FGG: variants seen among roughly 807,000 people sequenced by gnomAD.
FGG encodes fibrinogen, gamma polypeptide.
A neutral mutation model predicts 51.7 loss-of-function variants in FGG; 20 were observed. That is an observed-to-expected ratio of 0.39 (90% CI 0.27 to 0.56). The LOEUF is 0.56. FGG is among the 20% of genes least tolerant of loss of function. The pLI is 0.64. For synonymous variants in FGG, 184 were observed against 184.7 expected (o/e 1.00, Z 0.03); for missense variants, 460 against 534.2 (o/e 0.86, Z 1.37).
At chr4:154,608,720 C>T in intron 6 of FGG, 70 bp from the exon 7 acceptor site, 5 of 1,436,212 alleles carry the variant, frequency 3.5e-6, no homozygotes, top group Non-Finnish European at 3.9e-6. Context: ...ATGCTGTCAA[C>T]ATTTTGTCAA....
At chr4:154,605,204 C>G (rs1731076550) in intron 8 of FGG, 138 bp from the exon 9 acceptor site, 2 of 789,156 alleles carry the variant, frequency 2.5e-6, no homozygotes, top group Non-Finnish European at 4.1e-6. Flanking sequence ...AAAATATCTC[C>G]AAAGATTCCT....
Position 154,604,636 on chromosome 4 carries a change from C to T in FGG, c.*198G>A. On this transcript the variant is annotated 3_prime_UTR_variant, in exon 9 of 9. Transcript: ENST00000336098. ...TAGGAACAAAGTTGAAATGTTATCT[C>T]CTCAAATAAACAATTTTTAAATAAC... 1 of 1,342,986 alleles carries T rather than the reference C, an allele frequency of 7.4e-7. No individual in the cohort carries two copies. The highest frequency in any genetic ancestry group is 1.5e-5 in the African/African-American group (1 of 67,716). 83.2% of individuals were successfully genotyped at this position (1,342,986 alleles called of 1,614,324 possible). A position where few individuals can be genotyped will look rare whatever the true frequency, so the allele number is the denominator to read the frequency against.
Position 154,608,514 on chromosome 4 carries a change from A to G in FGG, c.803T>C (p.Ile268Thr). 1 of 1,613,728 alleles carries G rather than the reference A, an allele frequency of 6.2e-7. No individual in the cohort carries two copies. Among genetic ancestry groups the G allele is most frequent in the Non-Finnish European group, 8.5e-7 (1 of 1,179,816 alleles). The change falls in exon 7 of 9, where the codon ATC becomes ACC. Residue 268 changes from isoleucine to threonine, a missense_variant. Ile to Thr is a moderately conservative substitution (Grantham distance 89). Around this residue, in one of 3 missense-constraint regions of FGG, gnomAD observed 353 missense variants for 391.7 expected, o/e 0.90. Coordinates refer to ENST00000336098, the MANE Select transcript of FGG (RefSeq NM_021870.3). Reference protein sequence around the residue: ...KIHLISTQSAIPYALRVELED... With the variant: ...KIHLISTQSATPYALRVELED... ...CAGTTCCACTCTTAATGCATATGGGATGGCAGACTGTGTGCTTATCAAATG... is the reference window on the plus strand; with the variant it reads ...CAGTTCCACTCTTAATGCATATGGGGTGGCAGACTGTGTGCTTATCAAATG...
At chr4:154,609,532 A>T in intron 6 of FGG, 98 bp downstream of exon 6, 2 of 1,432,498 alleles carry the variant, frequency 1.4e-6, no homozygotes, top group Non-Finnish European at 2.0e-6. Flanking sequence ...TGCAAGGATT[A>T]AATGAGCTAC....
intron 8 of FGG, among the ~76,000 whole-genome samples, 181 bp from the exon 9 acceptor site, chr4:154,605,247 AAAC>A (rs1285128088): frequency 3.3e-5 from 5 of 152,190 alleles, no homozygotes; most frequent in Admixed American, 6.5e-5. Flanking sequence ...ACATATTATT[AAAC>A]AACATCTGTG....
rs773954323 is a variant in FGG at position 154,612,534 on chromosome 4, C to T, written c.76G>A (p.Ala26Thr). ...CGTTTTGTGAAGAGCACACTTACTG[C>T]TACACATGTTGAAGAGAGAAATAAA... is the stretch of plus-strand genomic sequence containing the variant. ...ALLFLSSTCVAYVATRDNCCI... is the reference protein window; with the variant it reads ...ALLFLSSTCVTYVATRDNCCI... The change falls in exon 1 of 9, where the codon GCA becomes ACA. Residue 26 changes from alanine to threonine, a missense_variant and splice_region_variant. By Grantham distance (58) the Ala-to-Thr change is moderately conservative. Coordinates refer to ENST00000336098, the MANE Select transcript of FGG (RefSeq NM_021870.3). 2.5e-6 allele frequency: 4 copies of T among 1,613,984 alleles called. No individual in the cohort carries two copies. The South Asian group carries it at 3.3e-5, about 13-fold the overall frequency.
chr4:154,609,881 C>T, intron 5 of FGG, 118 bp from the exon 6 acceptor site: 3 of 1,547,410 alleles, frequency 1.9e-6, no homozygotes, highest in Non-Finnish European at 2.7e-6. Flanking sequence ...AATTTTCTTA[C>T]TTTTCACATC....
In FGG at chr4:154,604,439, AGGGGTAATAAACAAGGAAAATACCT is replaced by A; in HGVS notation, c.*370_*394del. On this transcript the variant is annotated 3_prime_UTR_variant, in exon 9 of 9. Coordinates refer to ENST00000336098, the MANE Select transcript of FGG (RefSeq NM_021870.3). ...AAGAAGAATTAAATAGGAATGATTTAGGGGTAATAAACAAGGAAAATACCTGGGAATTTGAAACTCTAAAATGTTC... is the reference window on the plus strand; with the variant it reads ...AAGAAGAATTAAATAGGAATGATTTAGGGAATTTGAAACTCTAAAATGTTC... The A allele has an allele frequency of 8.1e-7, 1 of 1,238,514 alleles. No homozygotes were observed. The allele number at this position is 1,238,514 out of a possible 1,614,324, so 76.7% of individuals were successfully genotyped here.
At chr4:154,608,747 T>C (rs754925248) in intron 6 of FGG, 97 bp from the exon 7 acceptor site, 27 of 1,123,714 alleles carry the variant, frequency 2.4e-5, no homozygotes, top group Non-Finnish European at 3.6e-5. Flanking sequence ...AGAGCACTGG[T>C]TCTATCAACT....
chr4:154,604,917 G>A lies in FGG; in HGVS notation c.1279C>T (p.His427Tyr). ...CTGACCTGTTTGGCTCCCCCCAGGT[G>A]GTGTTGCTGTCCTTCTCCAATTGTG... Reference protein sequence around the residue: ...RLTIGEGQQHHLGGAKQVRPE... With the variant: ...RLTIGEGQQHYLGGAKQVRPE... Residue 427 changes from histidine to tyrosine, a missense_variant, in exon 9 of 9, where the codon CAC becomes TAC. Coordinates refer to ENST00000336098, the MANE Select transcript of FGG (RefSeq NM_021870.3). 2 of 1,614,068 alleles carry A rather than the reference G, an allele frequency of 1.2e-6. No homozygotes were observed. Among genetic ancestry groups the A allele is most frequent in the Non-Finnish European group, 1.7e-6 (2 of 1,179,972 alleles).
In FGG at chr4:154,604,451, C is replaced by A; in HGVS notation, c.*383G>T. The A allele has an allele frequency of 8.5e-7, 1 of 1,172,376 alleles. No individual in the cohort carries two copies. The highest frequency in any genetic ancestry group is 1.2e-6 in the Non-Finnish European group (1 of 857,972). 72.6% of individuals were successfully genotyped at this position (1,172,376 alleles called of 1,614,324 possible). A position where few individuals can be genotyped will look rare whatever the true frequency, so the allele number is the denominator to read the frequency against. On this transcript the variant is annotated 3_prime_UTR_variant, in exon 9 of 9. Transcript: ENST00000336098. ...ATAGGAATGATTTAGGGGTAATAAA[C>A]AAGGAAAATACCTGGGAATTTGAAA...
Position 154,606,769 on chromosome 4 carries a change from C to A in FGG, c.1065G>T (p.Gln355His). The change falls in exon 8 of 9, where the codon CAG (glutamine) becomes CAT (histidine). Residue 355 changes from glutamine (Q) to histidine (H), a missense_variant. Coordinates refer to ENST00000336098, the MANE Select transcript of FGG (RefSeq NM_021870.3). ...TGTTCATCCACCAACCAGATCCATC[C>A]TGTTCAGCACAGTTGCCTTCAAACT... ...NDKFEGNCAE[Q>H]DGSGWWMNKC... is the part of the protein sequence containing the mutation. 6.2e-7 allele frequency: 1 copy of A among 1,613,976 alleles called. No homozygotes were observed. Among genetic ancestry groups the A allele is most frequent in the Non-Finnish European group, 8.5e-7 (1 of 1,179,908 alleles).
chr4:154,611,185 G>GA lies in FGG; in HGVS notation c.401+619dup, dbSNP rs1454930652. 6 of 152,144 alleles carry GA rather than the reference G, an allele frequency of 3.9e-5. No homozygotes were observed. The East Asian group carries it at 1.2e-3, about 29-fold the overall frequency. 9.4% of individuals were successfully genotyped at this position (152,144 alleles called of 1,614,324 possible). On this transcript the variant is annotated intron_variant, in intron 4 of 8. Coordinates refer to ENST00000336098, the MANE Select transcript of FGG (RefSeq NM_021870.3). ...GAAAAATTCAGAAAAAAAAATTGGG[G>GA]AAAAATATTAAAACTGTATCTGAGA...
intron 4 of FGG, among the ~76,000 whole-genome samples, chr4:154,610,639 G>A (rs1443280061): frequency 6.6e-6 from 1 of 152,164 alleles, no homozygotes; most frequent in African/African-American, 2.4e-5. Context: ...GAAAAGCTCA[G>A]TTCAGTAATT....
chr4:154,610,245 T>C, intron 4 of FGG, 48 bp from the exon 5 acceptor site: 1 of 1,418,012 alleles, frequency 7.1e-7, no homozygotes, highest in Non-Finnish European at 9.9e-7. Context: ...CAAAAATAAG[T>C]ATTCCTTTCA....
chr4:154,606,617 T>G (rs1241290728), intron 8 of FGG, 88 bp downstream of exon 8: 3 of 1,345,130 alleles, frequency 2.2e-6, no homozygotes, highest in Non-Finnish European at 3.1e-6. Flanking sequence ...TTATAAATTA[T>G]TCTTCATTTC....
intron 6 of FGG, among the ~76,000 whole-genome samples, chr4:154,609,392 C>T (rs928596808): frequency 2.0e-5 from 3 of 152,166 alleles, no homozygotes; most frequent in Non-Finnish European, 4.4e-5. Context: ...TGAAACTATA[C>T]TGCCTAGGTT....
At chr4:154,610,618 T>C (rs1578811693) in intron 4 of FGG, among the ~76,000 whole-genome samples, 1 of 152,152 alleles carries the variant, frequency 6.6e-6, no homozygotes, top group East Asian at 1.9e-4. Flanking sequence ...CCCCTGATGC[T>C]TTAGAAGCAG....
In FGG at chr4:154,604,433, T is replaced by C. The variant is rs945829492; in HGVS notation, c.*401A>G. On this transcript the variant is annotated 3_prime_UTR_variant, in exon 9 of 9. Coordinates refer to ENST00000336098, the MANE Select transcript of FGG (RefSeq NM_021870.3). Reference sequence around the variant, plus strand: ...TTTAAAAAGAAGAATTAAATAGGAATGATTTAGGGGTAATAAACAAGGAAA... The same window carrying C: ...TTTAAAAAGAAGAATTAAATAGGAACGATTTAGGGGTAATAAACAAGGAAA... 7.0e-6 allele frequency: 9 copies of C among 1,278,530 alleles called. No individual in the cohort carries two copies. The highest frequency in any genetic ancestry group is 9.6e-6 in the Non-Finnish European group (9 of 940,464). The allele number at this position is 1,278,530 out of a possible 1,614,324, so 79.2% of individuals were successfully genotyped here.
Sources: gnomAD v4.1 joint callset for allele counts (sites outside exome capture counted in the v4.1 genomes callset) on GRCh38, gnomAD v4.1.1 for gene constraint, gnomAD v4.1.1 regional missense constraint, MANE v1.5 for transcripts, NCBI Gene and HGNC (gene_info 2026-07-23, HGNC 2026-07-21) for gene names.